FANCB: variants seen among roughly 807,000 people sequenced by gnomAD.
FANCB encodes the protein FA complementation group B.
Under a neutral mutation model 38.9 loss-of-function variants are expected in FANCB, and 5 were observed. The ratio of observed to expected loss-of-function variants is 0.13; its 90% CI spans 0.07 to 0.27. The LOEUF (loss-of-function observed/expected upper bound fraction) is 0.27, where lower values mean the gene tolerates loss of function less well. FANCB is among the 10% of genes least tolerant of loss of function. The pLI is 1.00. For synonymous variants in FANCB, 236 were observed against 215.4 expected (o/e 1.10, Z -0.84); for missense variants, 573 against 602.7 (o/e 0.95, Z 0.52).
At chrX:14,804,489 T>A in the FANCB span, among the ~76,000 whole-genome samples, 4 of 110,172 alleles carry the variant, frequency 3.6e-5, no homozygotes, top group African/African-American at 6.6e-5. Flanking sequence ...TGTTGTGGGG[T>A]GAGGGGAGCG....
At chrX:14,840,189 G>A (rs2092351396), downstream of FANCB, among the ~76,000 whole-genome samples, 1 of 111,660 alleles carries the variant, frequency 9.0e-6, no homozygotes, top group Admixed American at 9.5e-5. Flanking sequence ...TGGCAGTCCA[G>A]GAAAAGGGTG....
the FANCB span, among the ~76,000 whole-genome samples, chrX:14,800,954 T>G: frequency 8.9e-6 from 1 of 111,797 alleles, no homozygotes; most frequent in Non-Finnish European, 1.9e-5. Flanking sequence ...ATCTGAATTC[T>G]GCTTGGGCTT....
At chrX:14,732,633 A>T in the FANCB span, among the ~76,000 whole-genome samples, 1 of 112,487 alleles carries the variant, frequency 8.9e-6, no homozygotes, top group Non-Finnish European at 1.9e-5. Flanking sequence ...TCTAATGACC[A>T]GTGATGATGA....
the FANCB span, among the ~76,000 whole-genome samples, chrX:14,735,940 G>T: frequency 8.9e-6 from 1 of 111,814 alleles, no homozygotes; most frequent in Non-Finnish European, 1.9e-5. Context: ...GCCCAGAGAG[G>T]AGGAATCTAG....
intron 4 of FANCB, among the ~76,000 whole-genome samples, chrX:14,858,323 G>A (rs760821137): frequency 1.7e-4 from 19 of 109,673 alleles, no homozygotes; most frequent in Non-Finnish European, 3.0e-4. Context: ...TGAACCCAGG[G>A]GGCGGAGGTT....
the FANCB span, among the ~76,000 whole-genome samples, chrX:14,691,730 A>G: frequency 3.6e-5 from 4 of 111,820 alleles, no homozygotes; most frequent in African/African-American, 1.3e-4. Context: ...TTATAACCCA[A>G]TCTCATAGAG....
In FANCB at chrX:14,844,559, T is replaced by C. The variant is rs1555904303; in HGVS notation, c.2109A>G (p.Thr703=). ...GTGTTCTCTGTTTCCAAGTGAAGAG[T>C]GTCCCATAGAAACTTCCCGGTCTTT... ...FCERPGSFYG[T]LFTWKQRTPF... The change falls in exon 9 of 10, where the codon ACA becomes ACG. Residue 703 remains threonine (T), a synonymous_variant. Coordinates refer to ENST00000650831, the MANE Select transcript of FANCB (RefSeq NM_001018113.3). The C allele has an allele frequency of 8.3e-7, 1 of 1,209,110 alleles. No individual in the cohort carries two copies. The highest frequency in any genetic ancestry group is 1.7e-5 in the African/African-American group (1 of 57,728).
the FANCB span, among the ~76,000 whole-genome samples, chrX:14,706,703 A>G: frequency 8.9e-6 from 1 of 111,952 alleles, no homozygotes; most frequent in African/African-American, 3.3e-5. Context: ...GTGTTCACAT[A>G]CACAAGGAGG....
At chrX:14,710,289 G>C in the FANCB span, among the ~76,000 whole-genome samples, 1 of 112,039 alleles carries the variant, frequency 8.9e-6, no homozygotes, top group Non-Finnish European at 1.9e-5. Flanking sequence ...GCTACTTCCA[G>C]CAGAAATTGA....
At chrX:14,720,137 A>ATTCT in the FANCB span, among the ~76,000 whole-genome samples, 1 of 111,469 alleles carries the variant, frequency 9.0e-6, no homozygotes, top group African/African-American at 3.3e-5. Context: ...GCACTACAGT[A>ATTCT]AACAATAATT....
the FANCB span, chrX:14,730,495 A>G: frequency 8.5e-7 from 1 of 1,175,101 alleles, no homozygotes; most frequent in Non-Finnish European, 1.2e-6. Flanking sequence ...GATGTGCCCT[A>G]CAGACCCTGG....
chrX:14,828,173 C>T, the FANCB span, among the ~76,000 whole-genome samples: 8 of 111,723 alleles, frequency 7.2e-5, no homozygotes, highest in Non-Finnish European at 1.1e-4. Flanking sequence ...TTTTGCTAGT[C>T]GAGGATCTTT....
At chrX:14,809,226 C>T in the FANCB span, among the ~76,000 whole-genome samples, 2 of 112,382 alleles carry the variant, frequency 1.8e-5, no homozygotes, top group Non-Finnish European at 3.8e-5. Context: ...GGAACAGCTC[C>T]GGTCTACAGC....
chrX:14,745,922 G>A, the FANCB span, among the ~76,000 whole-genome samples: 5 of 108,875 alleles, frequency 4.6e-5, no homozygotes, highest in African/African-American at 6.7e-5. Flanking sequence ...GGATGGTCTC[G>A]ATCTCCTGAC....
At chrX:14,819,526 C>A in the FANCB span, among the ~76,000 whole-genome samples, 1 of 111,747 alleles carries the variant, frequency 8.9e-6, no homozygotes. Flanking sequence ...AGATAGGATA[C>A]AGAAAAACAG....
chrX:14,762,807 C>G, the FANCB span, among the ~76,000 whole-genome samples: 1 of 112,695 alleles, frequency 8.9e-6, no homozygotes, highest in Admixed American at 9.4e-5. Flanking sequence ...ACTGTAATAG[C>G]AGCCAACTCT....
the FANCB span, among the ~76,000 whole-genome samples, chrX:14,818,805 C>A: frequency 8.9e-6 from 1 of 112,048 alleles, no homozygotes; most frequent in African/African-American, 3.2e-5. Flanking sequence ...CATTATTTTA[C>A]TCGTACGAAG....
intron 1 of FANCB, among the ~76,000 whole-genome samples, chrX:14,870,693 C>T (rs11795930): frequency 0.041 from 4,588 of 111,166 alleles, 106 homozygotes; most frequent in Non-Finnish European, 0.067. Flanking sequence ...TACTGCCCCC[C>T]CTCTTAATAA....
the FANCB span, among the ~76,000 whole-genome samples, chrX:14,783,382 C>A: frequency 8.9e-6 from 1 of 111,775 alleles, no homozygotes; most frequent in South Asian, 3.7e-4. Context: ...CCTAAATCCC[C>A]AACCTCCCAA....
Sources: gnomAD v4.1 joint callset for allele counts (sites outside exome capture counted in the v4.1 genomes callset) on GRCh38, gnomAD v4.1.1 for gene constraint, MANE v1.5 for transcripts, NCBI Gene and HGNC (gene_info 2026-07-23, HGNC 2026-07-21) for gene names.